The following ZNF423 variants were observed in gnomAD, a reference collection of about 807,000 sequenced individuals.
The protein encoded by ZNF423 is Ebf-associated zinc finger protein.
A neutral mutation model predicts 95.8 loss-of-function variants in ZNF423; 12 were observed. The observed-to-expected ratio is 0.13, with a 90% CI of 0.08 to 0.20. The LOEUF is 0.20. Ranked by LOEUF, ZNF423 falls within the 10% of genes least tolerant of loss-of-function variation. The pLI is 1.00. For synonymous variants in ZNF423, 749 were observed against 711.9 expected, an observed-to-expected ratio of 1.05 and a Z score of -0.83; for missense variants, 1,316 against 1,737.1, an observed-to-expected ratio of 0.76 and a Z score of 4.31.
intron 3 of ZNF423, among the ~76,000 whole-genome samples, chr16:49,689,066 T>A (rs1305152222): frequency 2.0e-5 from 3 of 152,088 alleles, no homozygotes; most frequent in Non-Finnish European, 4.4e-5. Flanking sequence ...GGTTTGGGTG[T>A]AGGGATGAGA....
chr16:49,743,143 G>A (rs1038340517), intron 2 of ZNF423, among the ~76,000 whole-genome samples: 1 of 151,998 alleles, frequency 6.6e-6, no homozygotes, highest in South Asian at 2.1e-4. Context: ...CCCCGCTGCC[G>A]CCCGCCTTCC....
intron 3 of ZNF423, among the ~76,000 whole-genome samples, chr16:49,717,550 T>C (rs920306968): frequency 6.6e-5 from 10 of 152,252 alleles, no homozygotes; most frequent in Non-Finnish European, 1.5e-4. Context: ...AAAGCCATCA[T>C]GGCATTCCTC....
chr16:49,664,888 G>T (rs536704488), intron 3 of ZNF423, among the ~76,000 whole-genome samples: 25 of 152,376 alleles, frequency 1.6e-4, no homozygotes, highest in African/African-American at 5.8e-4. Flanking sequence ...ACAGCCCCAC[G>T]ATCCCTGCTC....
intron 3 of ZNF423, among the ~76,000 whole-genome samples, chr16:49,704,660 T>A (rs12921577): frequency 0.13 from 19,117 of 152,000 alleles, 1,322 homozygotes; most frequent in Non-Finnish European, 0.16. Flanking sequence ...CTCCAGTAGA[T>A]CTGGAGGGAG....
At chr16:49,756,747 C>G (rs12444073) in intron 2 of ZNF423, among the ~76,000 whole-genome samples, 24,392 of 152,094 alleles carry the variant, frequency 0.16, 2,040 homozygotes, top group South Asian at 0.26. Context: ...CAAAAAGGCA[C>G]GGGTCATGGG....
intron 7 of ZNF423, among the ~76,000 whole-genome samples, chr16:49,514,111 T>A (rs1968021599): frequency 6.6e-6 from 1 of 151,100 alleles, no homozygotes; most frequent in Admixed American, 6.6e-5. Flanking sequence ...TCCTGGAGGA[T>A]CCCCCAGCTC....
At chr16:49,511,191 G>A (rs1446765301) in intron 7 of ZNF423, among the ~76,000 whole-genome samples, 2 of 152,222 alleles carry the variant, frequency 1.3e-5, no homozygotes, top group East Asian at 3.9e-4. Flanking sequence ...CGCCTCTGTG[G>A]TGACCAGGGA....
At chr16:49,559,726 C>T (rs1969955716) in intron 5 of ZNF423, among the ~76,000 whole-genome samples, 1 of 152,182 alleles carries the variant, frequency 6.6e-6, no homozygotes, top group Non-Finnish European at 1.5e-5. Context: ...ACATCAGTAT[C>T]ATCAGGACAT....
intron 2 of ZNF423, among the ~76,000 whole-genome samples, chr16:49,765,694 T>G (rs2033917088): frequency 6.6e-6 from 1 of 152,092 alleles, no homozygotes; most frequent in South Asian, 2.1e-4. Flanking sequence ...CACTCCAGCC[T>G]GGACAACAGA....
chr16:49,736,618 G>T (rs1025859013), intron 2 of ZNF423, among the ~76,000 whole-genome samples: 1 of 152,142 alleles, frequency 6.6e-6, no homozygotes, highest in African/African-American at 2.4e-5. Context: ...AACACAGTGA[G>T]ACCCCATCTT....
chr16:49,525,321 GT>G, intron 6 of ZNF423, 41 bp downstream of exon 6: 4 of 1,609,924 alleles, frequency 2.5e-6, no homozygotes, highest in Non-Finnish European at 3.4e-6. Flanking sequence ...GGGCTCCTGT[GT>G]TCATCTCTCT....
At chr16:49,683,327 C>A (rs2031441107) in intron 3 of ZNF423, among the ~76,000 whole-genome samples, 1 of 152,182 alleles carries the variant, frequency 6.6e-6, no homozygotes. Flanking sequence ...GGAGAAAGAG[C>A]TACAAATAAC....
upstream of ZNF423, among the ~76,000 whole-genome samples, chr16:49,857,279 C>T (rs2035381230): frequency 6.7e-6 from 1 of 148,820 alleles, no homozygotes; most frequent in African/African-American, 2.5e-5. The surrounding 1 kb of genome is among the most constrained non-coding windows in gnomAD (Gnocchi z 6.2). Flanking sequence ...AATACAGCTC[C>T]GGCCGCCCGC....
intron 5 of ZNF423, among the ~76,000 whole-genome samples, chr16:49,605,319 T>C (rs908046137): frequency 1.3e-5 from 2 of 152,228 alleles, no homozygotes; most frequent in South Asian, 4.1e-4. Context: ...TTGAATGAGA[T>C]GGAACTTGGG....
intron 3 of ZNF423, among the ~76,000 whole-genome samples, chr16:49,704,615 T>C (rs554729586): frequency 1.6e-3 from 246 of 152,308 alleles, no homozygotes; most frequent in African/African-American, 5.6e-3. Context: ...ACTCCATGCA[T>C]GCATGCTTGA....
intron 1 of ZNF423, among the ~76,000 whole-genome samples, chr16:49,813,538 C>T (rs1228224228): frequency 6.6e-6 from 1 of 152,204 alleles, no homozygotes; most frequent in Non-Finnish European, 1.5e-5. Flanking sequence ...AGGGATTGAT[C>T]CTCAAGCAGA....
intron 2 of ZNF423, among the ~76,000 whole-genome samples, chr16:49,759,431 T>G (rs2033787058): frequency 6.6e-6 from 1 of 151,400 alleles, no homozygotes; most frequent in South Asian, 2.1e-4. Flanking sequence ...TGCTATCCCC[T>G]TGCCTAGGTG....
At chr16:49,745,969 C>A (rs756459323) in intron 2 of ZNF423, among the ~76,000 whole-genome samples, 5 of 152,150 alleles carry the variant, frequency 3.3e-5, no homozygotes, top group Non-Finnish European at 5.9e-5. Flanking sequence ...CACCAGCTTA[C>A]TCAGGGCAGA....
chr16:49,691,807 GGCTGCACAAGGGAA>G (rs1228134934), intron 3 of ZNF423, among the ~76,000 whole-genome samples: 1 of 152,142 alleles, frequency 6.6e-6, no homozygotes, highest in African/African-American at 2.4e-5. Flanking sequence ...TGGGGTGGGT[GGCTGCACAAGGGAA>G]GCGCCATTAT....
Sources: allele counts gnomAD v4.1 joint callset (sites outside exome capture counted in the v4.1 genomes callset), GRCh38; gene constraint gnomAD v4.1.1; non-coding constraint Gnocchi (gnomAD v3.1); transcripts MANE v1.5; gene names NCBI Gene and HGNC (gene_info 2026-07-23, HGNC 2026-07-21).